Variants in LRP6 observed in about 807,000 individuals in gnomAD.
The protein encoded by LRP6 is LDL receptor related protein 6.
Under a neutral mutation model 184.1 loss-of-function variants are expected in LRP6, and 43 were observed. That is an observed-to-expected ratio of 0.23 (90% CI 0.18 to 0.30). The LOEUF (loss-of-function observed/expected upper bound fraction) is 0.30, where lower values mean the gene tolerates loss of function less well. Ranked by LOEUF, LRP6 falls within the 10% of genes least tolerant of loss-of-function variation. The pLI is 1.00. For synonymous variants in LRP6, 719 were observed against 684.9 expected, an observed-to-expected ratio of 1.05 and a Z score of -0.78; for missense variants, 1,571 against 2,005.3, an observed-to-expected ratio of 0.78 and a Z score of 4.14.
In LRP6 at chr12:12,120,017, ATATATATATATATATATATATATAT is replaced by A. The variant is rs1949580183; in HGVS notation, c.*1084_*1108del. 1 of 106,778 alleles carries A rather than the reference ATATATATATATATATATATATATAT, an allele frequency of 9.4e-6. No individual in the cohort carries two copies. The highest frequency in any genetic ancestry group is 3.2e-5 in the African/African-American group (1 of 31,324). The allele number at this position is 106,778 out of a possible 1,614,324, so 6.6% of individuals were successfully genotyped here. On this transcript the variant is annotated 3_prime_UTR_variant, in exon 23 of 23. Coordinates refer to ENST00000261349, the MANE Select transcript of LRP6 (RefSeq NM_002336.3). ...TATATATATATATATATATATATAT[ATATATATATATATATATATATATAT>A]AAATGATTTCGTACTGTGATATATG...
chr12:12,133,612 G>C (rs188132332), intron 17 of LRP6, among the ~76,000 whole-genome samples: 1 of 152,052 alleles, frequency 6.6e-6, no homozygotes, highest in African/African-American at 2.4e-5. Flanking sequence ...ATGCAAGAAT[G>C]GCCTAATACA....
At chr12:12,250,478 A>C (rs1317561645) in intron 1 of LRP6, among the ~76,000 whole-genome samples, 1 of 148,684 alleles carries the variant, frequency 6.7e-6, no homozygotes, top group East Asian at 1.9e-4. Context: ...CTTACATGAT[A>C]TTAGCTTTTT....
At chr12:12,253,481 T>C (rs1222347145) in intron 1 of LRP6, among the ~76,000 whole-genome samples, 1 of 152,194 alleles carries the variant, frequency 6.6e-6, no homozygotes, top group Non-Finnish European at 1.5e-5. Context: ...ACGTGCAGGT[T>C]TGTTACATAT....
chr12:12,163,157 G>A (rs1276216780), intron 9 of LRP6, among the ~76,000 whole-genome samples: 1 of 151,910 alleles, frequency 6.6e-6, no homozygotes. Context: ...TGTATTTTTA[G>A]TAGAGACGGG....
In LRP6 at chr12:12,138,953, T is replaced by C. The variant is rs527379503; in HGVS notation, c.3398-419A>G. ...CCCACCTGGCTTCTCAGAACACAAT[T>C]AGAAAAAATGACTGACTCACCCCAA... On this transcript the variant is annotated intron_variant, in intron 15 of 22. Transcript: ENST00000261349. 20 of 1,364,858 alleles carry C rather than the reference T, an allele frequency of 1.5e-5. No homozygotes were observed. The African/African-American group carries it at 1.5e-4, about 10-fold the overall frequency. The allele number at this position is 1,364,858 out of a possible 1,614,324, so 84.5% of individuals were successfully genotyped here. A position where few individuals can be genotyped will look rare whatever the true frequency, so the allele number is the denominator to read the frequency against.
chr12:12,125,284 C>T lies in LRP6; in HGVS notation c.4449+12G>A, dbSNP rs754222115. ...TATGTATGTCGCATTCAAAGGAAAA[C>T]AGACTACTTACTGCAGGGAAGTAAG... On this transcript the variant is annotated intron_variant, in intron 21 of 22. Transcript: ENST00000261349. 2 of 1,613,938 alleles carry T rather than the reference C, an allele frequency of 1.2e-6. No homozygotes were observed. Among genetic ancestry groups the T allele is most frequent in the East Asian group, 4.5e-5 (2 of 44,866 alleles).
chr12:12,176,191 T>C lies in LRP6; in HGVS notation c.1545+3619A>G, dbSNP rs553066725. ...ATTATGGGAAGGCCCCACAACAATATAGTAAAAATCAGGAGGGGGGGTGGT... is the reference window on the plus strand; with the variant it reads ...ATTATGGGAAGGCCCCACAACAATACAGTAAAAATCAGGAGGGGGGGTGGT... On this transcript the variant is annotated intron_variant, in intron 7 of 22. Transcript: ENST00000261349. Among the ~76,000 whole-genome samples, 3 of 152,230 alleles carry C rather than the reference T, an allele frequency of 2.0e-5. No homozygotes were observed. The South Asian group carries it at 6.2e-4, about 32-fold the overall frequency.
At position 12,121,093 on chromosome 12, in the gene LRP6, C is replaced by T. The variant is rs761953802; in HGVS notation, c.*33G>A. 2.1e-5 allele frequency: 33 copies of T among 1,545,940 alleles called. No individual in the cohort carries two copies. Among genetic ancestry groups the T allele is most frequent in the African/African-American group, 1.2e-4 (9 of 72,654 alleles). On this transcript the variant is annotated 3_prime_UTR_variant, in exon 23 of 23. Transcript: ENST00000261349. ...AACCAAATTTATATTTACATTTTTACGTTGGAGGCAGTCAGAGGAGGAGGG... is the reference window on the plus strand; with the variant it reads ...AACCAAATTTATATTTACATTTTTATGTTGGAGGCAGTCAGAGGAGGAGGG...
chr12:12,251,211 C>T (rs575106259), intron 1 of LRP6, among the ~76,000 whole-genome samples: 1 of 152,120 alleles, frequency 6.6e-6, no homozygotes, highest in South Asian at 2.1e-4. Flanking sequence ...GGATTACAGG[C>T]GTGAGCCACC....
intron 15 of LRP6, among the ~76,000 whole-genome samples, chr12:12,142,858 T>C (rs1211483946): frequency 1.3e-5 from 2 of 152,170 alleles, no homozygotes; most frequent in Non-Finnish European, 2.9e-5. Context: ...TAGCAAAGAA[T>C]ACTTAATCAC....
chr12:12,180,810 AGC>A (rs1863325705), intron 6 of LRP6, among the ~76,000 whole-genome samples: 1 of 152,224 alleles, frequency 6.6e-6, no homozygotes. Context: ...ACCCAAAGTC[AGC>A]AAACATGGAC....
chr12:12,225,986 C>T (rs80214149), intron 2 of LRP6, among the ~76,000 whole-genome samples: 6,167 of 152,136 alleles, frequency 0.041, 161 homozygotes, highest in Middle Eastern at 0.16. Flanking sequence ...ATCCATCTTA[C>T]TACAGCCTAA....
chr12:12,126,765 T>G lies in LRP6; in HGVS notation c.4238A>C (p.Tyr1413Ser), dbSNP rs142833219. ...KGDGETMTND[Y>S]VVHGPASVPL... is the part of the protein sequence containing the mutation. ...CACAGAAGCTGGTCCATGAACTACA[T>G]AGTCATTAGTCATAGTTTCCCCATC... Residue 1413 changes from tyrosine (Y) to serine (S), a missense_variant, in exon 20 of 23, where the codon TAT (tyrosine) becomes TCT (serine). Physicochemically the swap from Tyr to Ser is moderately radical, Grantham distance 144 (BLOSUM62 -2). Transcript: ENST00000261349. 4.3e-6 allele frequency: 7 copies of G among 1,614,080 alleles called. No individual in the cohort carries two copies. The highest frequency in any genetic ancestry group is 5.9e-6 in the Non-Finnish European group (7 of 1,179,976).
At chr12:12,216,823 C>T (rs939798090) in intron 2 of LRP6, among the ~76,000 whole-genome samples, 1 of 151,988 alleles carries the variant, frequency 6.6e-6, no homozygotes, top group Non-Finnish European at 1.5e-5. Context: ...ACCACATCCC[C>T]TCCCACACAC....
chr12:12,124,696 A>T (rs1949649676), intron 21 of LRP6, 34 bp from the exon 22 acceptor site: 1 of 1,329,118 alleles, frequency 7.5e-7, no homozygotes, highest in Middle Eastern at 2.1e-4. Context: ...TATTAAAATA[A>T]CAACATAGAA....
intron 7 of LRP6, among the ~76,000 whole-genome samples, chr12:12,176,840 A>T (rs1211997604): frequency 8.3e-6 from 1 of 120,206 alleles, no homozygotes; most frequent in African/African-American, 3.2e-5. Flanking sequence ...GTGTGAGCCC[A>T]AACTTTTTTT....
At chr12:12,218,430 T>C (rs770952022) in intron 2 of LRP6, among the ~76,000 whole-genome samples, 12 of 151,146 alleles carry the variant, frequency 7.9e-5, no homozygotes, top group South Asian at 2.1e-4. Context: ...TGAGCCATGA[T>C]CATGCCACTA....
intron 2 of LRP6, among the ~76,000 whole-genome samples, chr12:12,230,099 T>G (rs546956977): frequency 1.8e-4 from 27 of 152,322 alleles, no homozygotes; most frequent in African/African-American, 6.3e-4. Context: ...AAAATAATTT[T>G]TAAATGGAGT....
At chr12:12,205,329 C>CAAA (rs56169717) in intron 2 of LRP6, among the ~76,000 whole-genome samples, 53 of 39,100 alleles carry the variant, frequency 1.4e-3, no homozygotes, top group East Asian at 1.9e-3. Flanking sequence ...CTCAAACAAA[C>CAAA]AAAAAAAAAA....
Sources: gnomAD v4.1 joint callset for allele counts (sites outside exome capture counted in the v4.1 genomes callset) on GRCh38, gnomAD v4.1.1 for gene constraint, MANE v1.5 for transcripts, NCBI Gene and HGNC (gene_info 2026-07-23, HGNC 2026-07-21) for gene names.